Variants in SLC25A21 observed in about 807,000 individuals in gnomAD.
The protein encoded by SLC25A21 is solute carrier family 25 member 21.
Under a neutral mutation model 43.8 loss-of-function variants are expected in SLC25A21, and 47 were observed. The ratio of observed to expected loss-of-function variants is 1.07; its 90% CI spans 0.85 to 1.37. SLC25A21 has a LOEUF of 1.37. Among genes scored for constraint, SLC25A21 ranks in the 40% most tolerant of loss-of-function variants. The pLI is 0.00. For missense variants in SLC25A21, 352 were observed against 350.2 expected (o/e 1.00, Z -0.04); for synonymous variants, 131 against 121.3 (o/e 1.08, Z -0.52).
chr14:37,108,621 T>C (rs777147040), intron 1 of SLC25A21, among the ~76,000 whole-genome samples: 5 of 152,086 alleles, frequency 3.3e-5, no homozygotes, highest in Non-Finnish European at 5.9e-5. Context: ...AAGAAGTACA[T>C]TGAGACCTTG....
intron 1 of SLC25A21, among the ~76,000 whole-genome samples, chr14:37,069,945 C>T (rs765823941): frequency 5.9e-5 from 9 of 152,142 alleles, no homozygotes; most frequent in African/African-American, 1.2e-4. Flanking sequence ...GTTCAACACA[C>T]GCACATTACT....
chr14:36,816,495 CT>C (rs1429747957), intron 2 of SLC25A21, among the ~76,000 whole-genome samples: 1 of 140,616 alleles, frequency 7.1e-6, no homozygotes, highest in East Asian at 2.0e-4. Context: ...ACATATTCTC[CT>C]CTTTTTTTTT....
chr14:37,001,671 C>G (rs1469034955), intron 1 of SLC25A21, among the ~76,000 whole-genome samples: 2 of 152,028 alleles, frequency 1.3e-5, no homozygotes, highest in Non-Finnish European at 2.9e-5. Flanking sequence ...AGCGCTACTT[C>G]TGGCACTGGG....
intron 1 of SLC25A21, among the ~76,000 whole-genome samples, chr14:37,046,776 T>C (rs938438986): frequency 2.0e-5 from 3 of 152,126 alleles, no homozygotes; most frequent in African/African-American, 4.8e-5. Flanking sequence ...TATCACCAGA[T>C]TGTGCAGGAT....
chr14:37,135,650 T>C (rs10146430), intron 1 of SLC25A21, among the ~76,000 whole-genome samples: 1,865 of 152,350 alleles, frequency 0.012, 38 homozygotes, highest in African/African-American at 0.043. Flanking sequence ...TTGAATCCTA[T>C]GGCATCCTCA....
Position 36,711,303 on chromosome 14 carries a change from T to C in SLC25A21, c.603+15A>G, listed in dbSNP as rs1204123698. 6.2e-7 allele frequency: 1 copy of C among 1,610,046 alleles called. No homozygotes were observed. Among genetic ancestry groups the C allele is most frequent in the Non-Finnish European group, 8.5e-7 (1 of 1,177,926 alleles). On this transcript the variant is annotated intron_variant, in intron 7 of 9. Transcript: ENST00000331299. The stretch of plus-strand genomic sequence containing the variant: ...AGGATTTTTCCTCCAGGATTTTAAT[T>C]TATTAAATAGTTACCTTATTGACAG...
intron 2 of SLC25A21, among the ~76,000 whole-genome samples, chr14:36,866,687 T>C (rs1890222826): frequency 6.6e-6 from 1 of 152,170 alleles, no homozygotes; most frequent in Non-Finnish European, 1.5e-5. Context: ...ACCTTCCTTT[T>C]CACATTGCAT....
rs999653192 is a variant in SLC25A21, at chr14:36,680,262, A to T, written c.*396T>A. On this transcript the variant is annotated 3_prime_UTR_variant, in exon 10 of 10. Transcript: ENST00000331299. ...TTTAATCCAGTCTTTGAATAATTTGATTTATTTTCAATAGTTTAAGCATTT... is the reference window on the plus strand; with the variant it reads ...TTTAATCCAGTCTTTGAATAATTTGTTTTATTTTCAATAGTTTAAGCATTT... The T allele has an allele frequency of 2.1e-6, 2 of 956,164 alleles. No individual in the cohort carries two copies. The highest frequency in any genetic ancestry group is 2.5e-6 in the Non-Finnish European group (2 of 804,360). The allele number at this position is 956,164 out of a possible 1,614,324, so 59.2% of individuals were successfully genotyped here. A position where few individuals can be genotyped will look rare whatever the true frequency, so the allele number is the denominator to read the frequency against.
intron 3 of SLC25A21, among the ~76,000 whole-genome samples, chr14:36,783,803 G>A (rs59662346): frequency 0.17 from 25,182 of 152,002 alleles, 2,695 homozygotes; most frequent in East Asian, 0.3. Flanking sequence ...TGCACTATGG[G>A]GAGATATGGT....
chr14:36,789,888 A>ATTT (rs1887411981), intron 3 of SLC25A21, among the ~76,000 whole-genome samples: 1 of 117,262 alleles, frequency 8.5e-6, no homozygotes, highest in Non-Finnish European at 1.7e-5. Flanking sequence ...ATTTATATAA[A>ATTT]ATATATATTA....
intron 2 of SLC25A21, among the ~76,000 whole-genome samples, chr14:36,831,407 A>G (rs947824834): frequency 6.6e-6 from 1 of 152,182 alleles, no homozygotes; most frequent in Non-Finnish European, 1.5e-5. Context: ...ATGTAAAACT[A>G]TATGTATGAT....
At chr14:36,836,722 C>A (rs1288853327) in intron 2 of SLC25A21, among the ~76,000 whole-genome samples, 1 of 151,978 alleles carries the variant, frequency 6.6e-6, no homozygotes, top group Non-Finnish European at 1.5e-5. Flanking sequence ...TGGATATAGG[C>A]AGTAAATGTA....
intron 1 of SLC25A21, among the ~76,000 whole-genome samples, chr14:37,053,042 T>G (rs1961744467): frequency 6.6e-6 from 1 of 152,196 alleles, no homozygotes; most frequent in Non-Finnish European, 1.5e-5. Flanking sequence ...TAGAATAAAC[T>G]GCAAATCAAT....
At chr14:36,734,416 A>ATG in intron 4 of SLC25A21, 91 bp downstream of exon 4, 1 of 904,598 alleles carries the variant, frequency 1.1e-6, no homozygotes, top group Non-Finnish European at 1.6e-6. Context: ...AGTGCTTTAT[A>ATG]TATAATTCAT....
intron 1 of SLC25A21, among the ~76,000 whole-genome samples, chr14:36,936,826 A>G (rs998303804): frequency 1.3e-5 from 2 of 152,166 alleles, no homozygotes; most frequent in African/African-American, 2.4e-5. Context: ...AGAACTACAA[A>G]ATTTGATATT....
intron 1 of SLC25A21, among the ~76,000 whole-genome samples, chr14:36,974,874 GA>G (rs1258858207): frequency 2.6e-5 from 4 of 152,160 alleles, no homozygotes; most frequent in Non-Finnish European, 4.4e-5. Context: ...CCTCAGATGA[GA>G]AAGAAGAGAT....
intron 1 of SLC25A21, among the ~76,000 whole-genome samples, chr14:37,094,828 A>C (rs941337576): frequency 6.6e-6 from 1 of 152,134 alleles, no homozygotes; most frequent in Non-Finnish European, 1.5e-5. Flanking sequence ...GAAGTCAAAT[A>C]CTGGTACCCA....
rs79370098 is a variant in SLC25A21 at position 36,931,970 on chromosome 14, A to G, written c.71-56966T>C. Among the ~76,000 whole-genome samples the G allele has an allele frequency of 6.6e-3, 1,012 of 152,248 alleles. 25 individuals carry two copies. Among genetic ancestry groups the G allele is most frequent in the East Asian group, 0.057 (292 of 5,164 alleles). ...ATAGTGCTTACAAGAGATGATTACG[A>G]CACTAGTGTCCATTTGCTATGAAAT... On this transcript the variant is annotated intron_variant, in intron 1 of 9. Transcript: ENST00000331299.
intron 1 of SLC25A21, among the ~76,000 whole-genome samples, chr14:37,034,109 C>T (rs1288566847): frequency 3.9e-5 from 6 of 152,092 alleles, no homozygotes; most frequent in African/African-American, 9.6e-5. Context: ...CTCTGCCTCC[C>T]GGGTTCAAGC....
Sources: gnomAD v4.1 joint callset for allele counts (sites outside exome capture counted in the v4.1 genomes callset) on GRCh38, gnomAD v4.1.1 for gene constraint, MANE v1.5 for transcripts, NCBI Gene and HGNC (gene_info 2026-07-23, HGNC 2026-07-21) for gene names.